LHFPL3: variants seen among roughly 807,000 people sequenced by gnomAD.
The protein encoded by LHFPL3 is LHFPL tetraspan subfamily member 3 protein.
A neutral mutation model predicts 19.3 loss-of-function variants in LHFPL3; 5 were observed. That is an observed-to-expected ratio of 0.26 (90% CI 0.14 to 0.54). LHFPL3 has a LOEUF of 0.54. Ranked by LOEUF, LHFPL3 falls within the 20% of genes least tolerant of loss-of-function variation. LHFPL3 has a pLI of 0.94. For missense variants in LHFPL3, 249 were observed against 307.4 expected, an observed-to-expected ratio of 0.81 and a Z score of 1.42; for synonymous variants, 133 against 126.2, an observed-to-expected ratio of 1.05 and a Z score of -0.36.
At chr7:104,661,354 C>T (rs1351781436) in intron 1 of LHFPL3, among the ~76,000 whole-genome samples, 2 of 152,116 alleles carry the variant, frequency 1.3e-5, no homozygotes, top group East Asian at 3.9e-4. Flanking sequence ...TTAAAACATC[C>T]AGGGCAGTAT....
intron 1 of LHFPL3, among the ~76,000 whole-genome samples, chr7:104,497,197 A>G (rs979178159): frequency 2.6e-5 from 4 of 151,924 alleles, no homozygotes; most frequent in Admixed American, 1.3e-4. Context: ...TTCCCAGAGC[A>G]TGTCTTATGC....
Position 104,813,045 on chromosome 7 carries a change from C to T in LHFPL3, c.682+76134C>T, listed in dbSNP as rs1029835915. On this transcript the variant is annotated intron_variant, in intron 2 of 2. Coordinates refer to ENST00000424859, the MANE Select transcript of LHFPL3 (RefSeq NM_199000.3). ...AGGAGAATTGCTTGAACCCAGGAGG[C>T]GGAGGTTGCAGTGAGCCGAGATCAT... Among the ~76,000 whole-genome samples the T allele has an allele frequency of 7.2e-5, 11 of 151,758 alleles. No individual in the cohort carries two copies. In the South Asian group the frequency reaches 1.0e-3, roughly 14 times the overall value.
At chr7:104,866,662 A>C (rs1791728906) in intron 2 of LHFPL3, among the ~76,000 whole-genome samples, 1 of 152,226 alleles carries the variant, frequency 6.6e-6, no homozygotes, top group Admixed American at 6.5e-5. Context: ...CATTAGACAG[A>C]TCAATGAGAC....
At chr7:104,727,997 C>T (rs372718619) in intron 1 of LHFPL3, among the ~76,000 whole-genome samples, 3 of 151,974 alleles carry the variant, frequency 2.0e-5, no homozygotes, top group Middle Eastern at 3.4e-3. Context: ...AAAGTAGGGG[C>T]GTGTCAATAA....
intron 2 of LHFPL3, among the ~76,000 whole-genome samples, chr7:104,772,659 C>T (rs1360787490): frequency 6.6e-6 from 1 of 152,238 alleles, no homozygotes; most frequent in African/African-American, 2.4e-5. Flanking sequence ...ACACAGAAAT[C>T]TCATTCCCCT....
chr7:104,499,169 A>T (rs1274598716), intron 1 of LHFPL3, among the ~76,000 whole-genome samples: 1 of 152,206 alleles, frequency 6.6e-6, no homozygotes, highest in Non-Finnish European at 1.5e-5. Flanking sequence ...TTATGAGGAA[A>T]AGAGGAATAT....
At chr7:104,891,552 C>G (rs566498096) in intron 2 of LHFPL3, among the ~76,000 whole-genome samples, 1 of 152,286 alleles carries the variant, frequency 6.6e-6, no homozygotes, top group East Asian at 1.9e-4. Flanking sequence ...AATTAGATTT[C>G]AACATGAGTT....
chr7:104,624,780 T>C (rs564254712), intron 1 of LHFPL3, among the ~76,000 whole-genome samples: 1 of 152,240 alleles, frequency 6.6e-6, no homozygotes, highest in Non-Finnish European at 1.5e-5. Flanking sequence ...TTGAGATCTA[T>C]GAAAGATGTG....
chr7:104,520,937 C>T (rs1321368199), intron 1 of LHFPL3, among the ~76,000 whole-genome samples: 3 of 149,210 alleles, frequency 2.0e-5, no homozygotes, highest in African/African-American at 2.5e-5. Flanking sequence ...TTTTTTGTGT[C>T]TCTATTTCCT....
rs141124608 is a variant in LHFPL3 at position 104,682,498 on chromosome 7, T to C, written c.446-54177T>C. On this transcript the variant is annotated intron_variant, in intron 1 of 2. Coordinates refer to ENST00000424859, the MANE Select transcript of LHFPL3 (RefSeq NM_199000.3). ...AATGTGAGAACCTAAGTGCCCAACATAGTGCCTGACAGCACTCAATGAAAT... is the reference window on the plus strand; with the variant it reads ...AATGTGAGAACCTAAGTGCCCAACACAGTGCCTGACAGCACTCAATGAAAT... 2.3e-3 allele frequency among the ~76,000 whole-genome samples: 353 copies of C among 152,356 alleles called. 3 individuals carry two copies. Among genetic ancestry groups the C allele is most frequent in the African/African-American group, 7.9e-3 (327 of 41,580 alleles).
intron 2 of LHFPL3, among the ~76,000 whole-genome samples, chr7:104,873,735 C>T (rs1292457393): frequency 6.6e-6 from 1 of 152,226 alleles, no homozygotes; most frequent in African/African-American, 2.4e-5. Flanking sequence ...TTCTTTCCGT[C>T]TGTATACATT....
At chr7:104,485,821 G>A (rs560630196) in intron 1 of LHFPL3, among the ~76,000 whole-genome samples, 2 of 152,194 alleles carry the variant, frequency 1.3e-5, no homozygotes, top group East Asian at 3.9e-4. Flanking sequence ...TCTCTGCCCT[G>A]TGTCCATGTG....
intron 1 of LHFPL3, among the ~76,000 whole-genome samples, chr7:104,391,621 C>A (rs1254536699): frequency 6.6e-6 from 1 of 152,070 alleles, no homozygotes; most frequent in Non-Finnish European, 1.5e-5. Flanking sequence ...GGTAGTGTGA[C>A]GCCTCTAGCT....
chr7:104,456,801 A>G (rs1348144596), intron 1 of LHFPL3, among the ~76,000 whole-genome samples: 1 of 152,176 alleles, frequency 6.6e-6, no homozygotes, highest in Admixed American at 6.5e-5. Flanking sequence ...ATGGGTGGGG[A>G]GCATCTACAA....
chr7:104,754,411 G>T (rs922022652), intron 2 of LHFPL3, among the ~76,000 whole-genome samples: 8 of 152,198 alleles, frequency 5.3e-5, no homozygotes, highest in Non-Finnish European at 1.0e-4. Context: ...CAACAAGAAA[G>T]GACAGTGTGG....
chr7:104,830,614 C>G (rs980253819), intron 2 of LHFPL3, among the ~76,000 whole-genome samples: 2 of 151,972 alleles, frequency 1.3e-5, no homozygotes, highest in Admixed American at 6.5e-5. Flanking sequence ...GCTTGTTTTT[C>G]TCAGGTTTGT....
chr7:104,443,810 G>A (rs934580074), intron 1 of LHFPL3, among the ~76,000 whole-genome samples: 2 of 152,360 alleles, frequency 1.3e-5, no homozygotes, highest in South Asian at 4.1e-4. Context: ...ATATTCTTCA[G>A]TGGTCAGAAA....
intron 2 of LHFPL3, among the ~76,000 whole-genome samples, chr7:104,815,439 T>C (rs1562801767): frequency 6.6e-6 from 1 of 152,360 alleles, no homozygotes; most frequent in East Asian, 1.9e-4. Context: ...GCTCACTTTA[T>C]AATTCTGTGT....
At chr7:104,449,580 T>C (rs1177378592) in intron 1 of LHFPL3, among the ~76,000 whole-genome samples, 1 of 152,224 alleles carries the variant, frequency 6.6e-6, no homozygotes, top group Non-Finnish European at 1.5e-5. Context: ...GAGTAAAATC[T>C]CAATTTATCC....
Sources: gnomAD v4.1 joint callset for allele counts (sites outside exome capture counted in the v4.1 genomes callset) on GRCh38, gnomAD v4.1.1 for gene constraint, MANE v1.5 for transcripts, NCBI Gene and HGNC (gene_info 2026-07-23, HGNC 2026-07-21) for gene names.